NALCN: variants seen among roughly 807,000 people sequenced by gnomAD.
The protein encoded by NALCN is sodium leak channel NALCN.
Under a neutral mutation model 225.3 loss-of-function variants are expected in NALCN, and 111 were observed. The ratio of observed to expected loss-of-function variants is 0.49; its 90% CI spans 0.42 to 0.58. The LOEUF is 0.58. Ranked by LOEUF, NALCN falls within the 20% of genes least tolerant of loss-of-function variation. The pLI, the probability that NALCN is intolerant of heterozygous loss-of-function variation, is 0.00. For missense variants in NALCN, 1,378 were observed against 2,202.4 expected (o/e 0.63, Z 7.49); for synonymous variants, 764 against 769.0 (o/e 0.99, Z 0.11).
chr13:101,379,176 C>G (rs1347070512), intron 3 of NALCN, among the ~76,000 whole-genome samples: 1 of 152,198 alleles, frequency 6.6e-6, no homozygotes. Flanking sequence ...GATACCATCT[C>G]ACGCCAGTTT....
rs141935269 is a variant in NALCN at position 101,095,644 on chromosome 13, C to T, written c.3199G>A (p.Val1067Met). The T allele has an allele frequency of 6.2e-7, 1 of 1,613,390 alleles. No homozygotes were observed. The highest frequency in any genetic ancestry group is 8.5e-7 in the Non-Finnish European group (1 of 1,179,682). ...CNGIFRINVS[V>M]SKNLNLKLRP... is the part of the protein sequence containing the mutation. ...AATTTTAAATTTAAGTTCTTTGACA[C>T]ACTGACATTAATTCTGAATATGCCA... Residue 1067 changes from valine to methionine, a missense_variant, in exon 28 of 44, where the codon GTG becomes ATG. By Grantham distance (21) the Val-to-Met change is conservative. This residue lies in a region of NALCN where 292 missense variants were observed against 409.5 expected (regional missense o/e 0.71). Coordinates refer to ENST00000251127, the MANE Select transcript of NALCN (RefSeq NM_052867.4).
chr13:101,063,319 C>T (rs2032111891), intron 40 of NALCN, among the ~76,000 whole-genome samples: 2 of 152,202 alleles, frequency 1.3e-5, no homozygotes. Context: ...TCCTCTCTTC[C>T]CTGACTCATC....
intron 15 of NALCN, among the ~76,000 whole-genome samples, chr13:101,160,171 G>C (rs151129649): frequency 6.6e-6 from 1 of 152,104 alleles, no homozygotes; most frequent in African/African-American, 2.4e-5. Context: ...AGCCAGGATG[G>C]TCTCGATCTC....
intron 3 of NALCN, among the ~76,000 whole-genome samples, chr13:101,379,748 A>C (rs1404231254): frequency 6.6e-6 from 1 of 152,152 alleles, no homozygotes; most frequent in East Asian, 1.9e-4. Context: ...TAGCATTAGG[A>C]GAAACACCTA....
rs1594784988 is a variant in NALCN, at chr13:101,399,245, T to G, written c.-39-80A>C. ...AATTGAGTTCCCCACATATATCTAC[T>G]TATTTGTAAGGCATATATGTGTTCT... is the stretch of plus-strand genomic sequence containing the variant. On this transcript the variant is annotated intron_variant, in intron 1 of 43. Coordinates refer to ENST00000251127, the MANE Select transcript of NALCN (RefSeq NM_052867.4). The G allele has an allele frequency of 7.4e-6, 7 of 946,046 alleles. No individual in the cohort carries two copies. In the East Asian group the frequency reaches 1.9e-4, roughly 25 times the overall value. The allele number at this position is 946,046 out of a possible 1,614,324, so 58.6% of individuals were successfully genotyped here.
intron 37 of NALCN, among the ~76,000 whole-genome samples, chr13:101,070,063 GTTTT>G (rs71121162): frequency 1.0e-5 from 1 of 98,312 alleles, no homozygotes; most frequent in Non-Finnish European, 1.8e-5. Context: ...AATCATGAAT[GTTTT>G]TTTTTTTTTT....
At chr13:101,231,986 A>G (rs1020166228) in intron 12 of NALCN, among the ~76,000 whole-genome samples, 1 of 150,052 alleles carries the variant, frequency 6.7e-6, no homozygotes, top group African/African-American at 2.5e-5. Context: ...TTAATAAGAA[A>G]TGTTCTATTT....
intron 13 of NALCN, among the ~76,000 whole-genome samples, chr13:101,199,586 G>A (rs913139414): frequency 4.1e-5 from 6 of 144,952 alleles, no homozygotes; most frequent in Non-Finnish European, 7.5e-5. Flanking sequence ...ACTCATAGGT[G>A]GGAATTGAAC....
At chr13:101,135,886 C>T (rs937955284) in intron 17 of NALCN, among the ~76,000 whole-genome samples, 4 of 152,158 alleles carry the variant, frequency 2.6e-5, no homozygotes, top group Non-Finnish European at 5.9e-5. Flanking sequence ...GCCTTAACTC[C>T]TTGATACCTC....
At chr13:101,103,486 C>T in intron 25 of NALCN, 147 bp from the exon 26 acceptor site, 1 of 961,778 alleles carries the variant, frequency 1.0e-6, no homozygotes. Context: ...AAACAACAAA[C>T]CTCATCTAGA....
intron 14 of NALCN, among the ~76,000 whole-genome samples, chr13:101,186,602 T>C (rs112879513): frequency 4.6e-5 from 7 of 152,296 alleles, no homozygotes; most frequent in African/African-American, 1.7e-4. Flanking sequence ...TGTTTTAATT[T>C]AGTTATATAG....
At chr13:101,111,282 T>G in intron 18 of NALCN, 56 bp from the exon 19 acceptor site, 1,184 of 1,127,638 alleles carry the variant, frequency 1.0e-3, no homozygotes, top group Non-Finnish European at 1.4e-3. Flanking sequence ...TTGAGATGAA[T>G]AACACATAAG....
Position 101,396,704 on chromosome 13 carries a change from C to T in NALCN, c.109-1339G>A, listed in dbSNP as rs538176911. ...TAAACATTGGTGTGTGAATTTAGCC[C>T]CATCTGGACTTTCAACATAAAGAAT... On this transcript the variant is annotated intron_variant, in intron 2 of 43. Coordinates refer to ENST00000251127, the MANE Select transcript of NALCN (RefSeq NM_052867.4). Among the ~76,000 whole-genome samples, 96 of 151,986 alleles carry T rather than the reference C, an allele frequency of 6.3e-4. 1 individual carries two copies. The highest frequency in any genetic ancestry group is 2.2e-3 in the African/African-American group (93 of 41,432).
At chr13:101,333,434 G>T (rs985172768) in intron 7 of NALCN, among the ~76,000 whole-genome samples, 7 of 152,182 alleles carry the variant, frequency 4.6e-5, no homozygotes, top group African/African-American at 1.4e-4. Flanking sequence ...GAGAGCTGAG[G>T]GGTAGGGAAG....
At chr13:101,169,031 C>T (rs954545691) in intron 15 of NALCN, among the ~76,000 whole-genome samples, 2 of 152,184 alleles carry the variant, frequency 1.3e-5, no homozygotes, top group African/African-American at 4.8e-5. Context: ...ATTTCACAGT[C>T]TGCTTTAGAT....
At chr13:101,382,436 T>C (rs1397983548) in intron 3 of NALCN, among the ~76,000 whole-genome samples, 3 of 152,084 alleles carry the variant, frequency 2.0e-5, no homozygotes, top group Non-Finnish European at 4.4e-5. Flanking sequence ...TTTTTTTAAG[T>C]TGGACATTTT....
At chr13:101,113,630 T>C (rs1318284743) in intron 18 of NALCN, among the ~76,000 whole-genome samples, 1 of 152,180 alleles carries the variant, frequency 6.6e-6, no homozygotes, top group African/African-American at 2.4e-5. Flanking sequence ...GATAAGCATA[T>C]ACAGTAAGGC....
Position 101,053,842 on chromosome 13 carries a change from A to ATC in NALCN, c.*1452_*1453insGA, listed in dbSNP as rs1555371559. ...AAAAGTAAACTCCAAGTGAACATCA[A>ATC]ATCAAATCTAATCCTTTTGGCCACA... On this transcript the variant is annotated 3_prime_UTR_variant, in exon 44 of 44. Coordinates refer to ENST00000251127, the MANE Select transcript of NALCN (RefSeq NM_052867.4). 3.3e-5 allele frequency: 5 copies of ATC among 152,162 alleles called. No individual in the cohort carries two copies. Among genetic ancestry groups the ATC allele is most frequent in the Non-Finnish European group, 7.3e-5 (5 of 68,028 alleles). The allele number at this position is 152,162 out of a possible 1,614,324, so 9.4% of individuals were successfully genotyped here.
chr13:101,156,622 G>A (rs1465933340), intron 15 of NALCN, among the ~76,000 whole-genome samples: 1 of 151,962 alleles, frequency 6.6e-6, no homozygotes, highest in African/African-American at 2.4e-5. Flanking sequence ...AGCCCCACAG[G>A]TTCTCCTGTG....
Sources: allele counts gnomAD v4.1 joint callset (sites outside exome capture counted in the v4.1 genomes callset), GRCh38; gene constraint gnomAD v4.1.1; regional missense constraint gnomAD v4.1.1; transcripts MANE v1.5; gene names NCBI Gene and HGNC (gene_info 2026-07-23, HGNC 2026-07-21).